The following PAM variants were observed in gnomAD, a reference collection of about 807,000 sequenced individuals.
PAM encodes the protein peptidyl-glycine alpha-amidating monooxygenase.
A neutral mutation model predicts 122.1 loss-of-function variants in PAM; 72 were observed. That is an observed-to-expected ratio of 0.59 (90% CI 0.49 to 0.72). The LOEUF is 0.72. Among genes scored for constraint, PAM ranks in the 30% least tolerant of loss-of-function variants. The probability of loss-of-function intolerance (pLI) is 0.00; values close to 1 mark genes in which losing one functional copy is unlikely to be tolerated. For synonymous variants in PAM, 389 were observed against 404.4 expected (o/e 0.96, Z 0.46); for missense variants, 1,106 against 1,183.7 (o/e 0.93, Z 0.96).
chr5:102,917,282 A>G (rs565800350), intron 5 of PAM, among the ~76,000 whole-genome samples: 10 of 152,266 alleles, frequency 6.6e-5, no homozygotes, highest in Non-Finnish European at 1.0e-4. Context: ...CACAACAAAA[A>G]TCTATCAGTG....
At chr5:102,899,823 G>A (rs114955520) in intron 3 of PAM, among the ~76,000 whole-genome samples, 290 of 151,734 alleles carry the variant, frequency 1.9e-3, no homozygotes, top group African/African-American at 6.6e-3. Flanking sequence ...TAGAAGCTGG[G>A]GTGTGGTGAG....
chr5:102,885,768 T>G (rs73175403), intron 3 of PAM, among the ~76,000 whole-genome samples: 4,271 of 152,052 alleles, frequency 0.028, 158 homozygotes, highest in East Asian at 0.2. Context: ...AACCTTTATT[T>G]AATGGGCACA....
intron 1 of PAM, among the ~76,000 whole-genome samples, chr5:102,790,512 G>A (rs1450620392): frequency 1.3e-5 from 2 of 152,014 alleles, no homozygotes; most frequent in African/African-American, 4.8e-5. Flanking sequence ...CTATTATCCT[G>A]GGAATAGATC....
At chr5:102,894,262 A>T (rs979435274) in intron 3 of PAM, among the ~76,000 whole-genome samples, 3 of 151,714 alleles carry the variant, frequency 2.0e-5, no homozygotes, top group Non-Finnish European at 3.0e-5. Flanking sequence ...GTTCTTTAAA[A>T]TATTAATAAG....
At chr5:102,916,919 G>A (rs1269646388) in intron 5 of PAM, among the ~76,000 whole-genome samples, 1 of 151,680 alleles carries the variant, frequency 6.6e-6, no homozygotes, top group Non-Finnish European at 1.5e-5. Flanking sequence ...TTTTAGTAGA[G>A]ATGGGGTTTT....
At chr5:102,919,784 C>CT (rs1332698991) in intron 5 of PAM, among the ~76,000 whole-genome samples, 2 of 152,066 alleles carry the variant, frequency 1.3e-5, no homozygotes, top group Admixed American at 1.3e-4. Flanking sequence ...CAGTTGGTCT[C>CT]TGATTCTAAC....
chr5:102,952,635 T>G (rs1759322708), intron 12 of PAM, among the ~76,000 whole-genome samples: 1 of 152,142 alleles, frequency 6.6e-6, no homozygotes, highest in Admixed American at 6.6e-5. Flanking sequence ...GAATAAAAGT[T>G]TTCATAATAA....
chr5:102,993,324 TG>T (rs2150847083), intron 16 of PAM, among the ~76,000 whole-genome samples: 1 of 152,234 alleles, frequency 6.6e-6, no homozygotes, highest in Non-Finnish European at 1.5e-5. Flanking sequence ...GGGTAGCTTT[TG>T]CCTCAGTAAT....
chr5:102,994,412 C>CTT (rs1775055435), intron 16 of PAM, among the ~76,000 whole-genome samples: 1 of 152,154 alleles, frequency 6.6e-6, no homozygotes, highest in East Asian at 1.9e-4. Context: ...TCCAAGCTCT[C>CTT]AAGCAATCTT....
chr5:102,889,259 C>G (rs1228472812), intron 3 of PAM, among the ~76,000 whole-genome samples: 1 of 151,926 alleles, frequency 6.6e-6, no homozygotes, highest in Non-Finnish European at 1.5e-5. Flanking sequence ...TGGCAGAAGA[C>G]TGGGCAGCAG....
chr5:102,842,861 A>G (rs1359462797), intron 1 of PAM, among the ~76,000 whole-genome samples: 2 of 152,224 alleles, frequency 1.3e-5, no homozygotes, highest in South Asian at 2.1e-4. Context: ...TGAGAGAAAC[A>G]TAACTTCTCC....
At chr5:103,025,063 A>G (rs1300415204) in intron 23 of PAM, 68 bp from the exon 24 acceptor site, 3 of 1,026,398 alleles carry the variant, frequency 2.9e-6, no homozygotes, top group Non-Finnish European at 4.5e-6. Flanking sequence ...TTGACTGGGT[A>G]GGGGTGGGTA....
At chr5:102,985,602 A>G (rs77263594) in intron 15 of PAM, among the ~76,000 whole-genome samples, 4,194 of 152,226 alleles carry the variant, frequency 0.028, 87 homozygotes, top group Non-Finnish European at 0.043. Context: ...TGAATCAGTA[A>G]TGAAAAAAAT....
intron 7 of PAM, among the ~76,000 whole-genome samples, chr5:102,929,362 A>T (rs1750657834): frequency 6.6e-6 from 1 of 152,204 alleles, no homozygotes; most frequent in Non-Finnish European, 1.5e-5. Flanking sequence ...TTCTAATTAT[A>T]AAAAATGCAT....
At chr5:102,783,230 C>CAAA (rs11329964) in intron 1 of PAM, among the ~76,000 whole-genome samples, 1 of 122,234 alleles carries the variant, frequency 8.2e-6, no homozygotes, top group Non-Finnish European at 1.8e-5. Flanking sequence ...CCAGATTTAG[C>CAAA]AAAAAAAAAA....
rs267600309 is a variant in PAM at position 103,003,135 on chromosome 5, C to T, written c.1716C>T (p.Ser572=). ...CAAATAATGCTGCAGTACTCCAGTC[C>T]AGTGGAAAAAATCTGTGAGTTAAAT... is the stretch of plus-strand genomic sequence containing the variant. ...IDPNNAAVLQ[S]SGKNLFYLPH... is the part of the protein sequence containing the mutation. Residue 572 remains serine, a synonymous_variant, in exon 17 of 26, where the codon TCC becomes TCT. Coordinates refer to ENST00000438793, the MANE Select transcript of PAM (RefSeq NM_001177306.2). The T allele has an allele frequency of 6.7e-7, 1 of 1,498,850 alleles. No homozygotes were observed. Among genetic ancestry groups the T allele is most frequent in the East Asian group, 2.3e-5 (1 of 44,334 alleles). The allele number at this position is 1,498,850 out of a possible 1,614,324, so 92.8% of individuals were successfully genotyped here. A position where few individuals can be genotyped will look rare whatever the true frequency, so the allele number is the denominator to read the frequency against.
intron 7 of PAM, among the ~76,000 whole-genome samples, chr5:102,937,919 G>T (rs1239015780): frequency 1.3e-5 from 2 of 152,078 alleles, no homozygotes; most frequent in Non-Finnish European, 2.9e-5. Context: ...GATCAGAGTG[G>T]TTTACTTCAT....
At chr5:102,943,481 C>A (rs1232471541) in intron 7 of PAM, among the ~76,000 whole-genome samples, 1 of 152,084 alleles carries the variant, frequency 6.6e-6, no homozygotes, top group Non-Finnish European at 1.5e-5. Flanking sequence ...CCCATTTTTG[C>A]TTAATTCCTC....
chr5:102,755,291 C>A (rs1580672025), upstream of PAM: 1 of 152,370 alleles, frequency 6.6e-6, no homozygotes, highest in African/African-American at 2.4e-5. Context: ...ACTCCGCCCG[C>A]CGCTCCGCCG....
Sources: gnomAD v4.1 joint callset for allele counts (sites outside exome capture counted in the v4.1 genomes callset) on GRCh38, gnomAD v4.1.1 for gene constraint, MANE v1.5 for transcripts, NCBI Gene and HGNC (gene_info 2026-07-23, HGNC 2026-07-21) for gene names.